The following CRYBG2 variants were observed in gnomAD, a reference collection of about 807,000 sequenced individuals.
CRYBG2 encodes the protein beta/gamma crystallin domain-containing protein 2.
A neutral mutation model predicts 153.4 loss-of-function variants in CRYBG2; 106 were observed. The observed-to-expected ratio is 0.69, with a 90% confidence interval of 0.59 to 0.81. The LOEUF is 0.81. CRYBG2 is among the 30% of genes least tolerant of loss of function. The probability of loss-of-function intolerance (pLI) is 0.00; values close to 1 mark genes in which losing one functional copy is unlikely to be tolerated. For synonymous variants in CRYBG2, 851 were observed against 877.8 expected (o/e 0.97, Z 0.54); for missense variants, 1,996 against 2,112.0 (o/e 0.95, Z 1.08).
rs913363554 is a variant in CRYBG2 at position 26,324,235 on chromosome 1, T to C, written c.4654A>G (p.Lys1552Glu). 4 of 1,612,882 alleles carry C rather than the reference T, an allele frequency of 2.5e-6. No homozygotes were observed. Among genetic ancestry groups the C allele is most frequent in the Non-Finnish European group, 3.4e-6 (4 of 1,179,984 alleles). The change falls in exon 18 of 20, where the codon AAA (lysine) becomes GAA (glutamate). Residue 1552 changes from lysine (K) to glutamate (E), a missense_variant. Coordinates refer to ENST00000308182, the MANE Select transcript of CRYBG2 (RefSeq NM_001039775.4). ...TCGGCGACCACCACACGGCCTGCTT[T>C]CATGTCCTCCACATGGTCCGGCACT... ...LAVPDHVEDM[K>E]AGRVVVADPQ...
chr1:26,349,212 G>T (rs2074260825), intron 1 of CRYBG2, among the ~76,000 whole-genome samples: 1 of 152,038 alleles, frequency 6.6e-6, no homozygotes. Context: ...GGAGCCCCTT[G>T]GCTCCGTTAG....
intron 1 of CRYBG2, among the ~76,000 whole-genome samples, chr1:26,349,566 A>G (rs954043164): frequency 6.6e-6 from 1 of 151,884 alleles, no homozygotes; most frequent in African/African-American, 2.4e-5. Flanking sequence ...CCCTTACTAA[A>G]TGTAGGATAA....
In CRYBG2 at chr1:26,345,345, G is replaced by A. The variant is rs761711386; in HGVS notation, c.1313C>T (p.Ala438Val). 3 of 1,613,512 alleles carry A rather than the reference G, an allele frequency of 1.9e-6. 1 individual carries two copies. In the South Asian group the frequency reaches 3.3e-5, roughly 18 times the overall value. Residue 438 changes from alanine (A) to valine (V), a missense_variant, in exon 2 of 20, where the codon GCT (alanine) becomes GTT (valine). Physicochemically the swap from Ala to Val is moderately conservative, Grantham distance 64. Transcript: ENST00000308182. ...KDVPSPGGLSAPSSPRNKFVQ... is the reference protein window; with the variant it reads ...KDVPSPGGLSVPSSPRNKFVQ... ...AAACTTATTCCTTGGGGACGATGGA[G>A]CAGAAAGACCTCCTGGGCTGGGGAC...
In CRYBG2 at chr1:26,343,918, C is replaced by A. The variant is rs936685332; in HGVS notation, c.2740G>T (p.Val914Leu). Reference sequence around the variant, plus strand: ...GTGGAGGCCTCCTTGGCGGTAGGCACCAGACTGCCGAACAGAAGGCTGCCT... The same window carrying A: ...GTGGAGGCCTCCTTGGCGGTAGGCAACAGACTGCCGAACAGAAGGCTGCCT... Reference protein sequence around the residue: ...LGGSLLFGSLVPTAKEASTPE... With the variant: ...LGGSLLFGSLLPTAKEASTPE... The change falls in exon 2 of 20, where the codon GTG becomes TTG. Residue 914 changes from valine to leucine, a missense_variant. Coordinates refer to ENST00000308182, the MANE Select transcript of CRYBG2 (RefSeq NM_001039775.4). This position sits in a 1 kb window ranked among gnomAD's most constrained non-coding sequence, Gnocchi z 4.1. 6 of 1,537,862 alleles carry A rather than the reference C, an allele frequency of 3.9e-6. No individual in the cohort carries two copies. In the Admixed American group the frequency reaches 7.9e-5, roughly 20 times the overall value.
chr1:26,349,208 C>T (rs2074260760), intron 1 of CRYBG2, among the ~76,000 whole-genome samples: 1 of 152,026 alleles, frequency 6.6e-6, no homozygotes, highest in South Asian at 2.1e-4. Flanking sequence ...AAATGGAGCC[C>T]CTTGGCTCCG....
chr1:26,345,058 C>A lies in CRYBG2; in HGVS notation c.1600G>T (p.Gly534Cys), dbSNP rs1199118094. The change falls in exon 2 of 20, where the codon GGC becomes TGC. Residue 534 changes from glycine (G) to cysteine (C), a missense_variant. By Grantham distance (159) the Gly-to-Cys change is radical (BLOSUM62 -3). Transcript: ENST00000308182. ...AATGAGGCATCAGGAGCACCGGGGC[C>A]CTTCACGACCTCTTTCCAGGTGGGG... ...LFPTWKEVVK[G>C]PGAPDASFPT... 3.5e-6 allele frequency: 1 copy of A among 289,166 alleles called. No individual in the cohort carries two copies. Among genetic ancestry groups the A allele is most frequent in the East Asian group, 4.4e-5 (1 of 22,684 alleles). 17.9% of individuals were successfully genotyped at this position (289,166 alleles called of 1,614,324 possible). A position where few individuals can be genotyped will look rare whatever the true frequency, so the allele number is the denominator to read the frequency against.
In CRYBG2 at chr1:26,336,147, C is replaced by T. The variant is rs1365290847; in HGVS notation, c.4132G>A (p.Ala1378Thr). Residue 1378 changes from alanine to threonine, a missense_variant, in exon 14 of 20, where the codon GCC (alanine) becomes ACC (threonine). Transcript: ENST00000308182. The surrounding 1 kb of genome is among the most constrained non-coding windows in gnomAD (Gnocchi z 4.9). ...GDHFSFEDDQ[A>T]ALPASFRPQS... ...GGTCGGAAGGAGGCGGGCAGAGCGG[C>T]CTGGTCATCTTCGAAAGAGAAGTGG... 6.5e-7 allele frequency: 1 copy of T among 1,539,852 alleles called. No homozygotes were observed. The highest frequency in any genetic ancestry group is 2.4e-5 in the East Asian group (1 of 41,188).
chr1:26,336,818 C>T lies in CRYBG2; in HGVS notation c.3911+23G>A. 1 of 1,572,472 alleles carries T rather than the reference C, an allele frequency of 6.4e-7. No homozygotes were observed. The highest frequency in any genetic ancestry group is 1.2e-5 in the South Asian group (1 of 86,238). ...CCCCGGCTCGCCCGGGCCCGCCCCG[C>T]TCCCGGAGCCCGGGTCACTTACACG... is the stretch of plus-strand genomic sequence containing the variant. On this transcript the variant is annotated intron_variant, in intron 11 of 19. Coordinates refer to ENST00000308182, the MANE Select transcript of CRYBG2 (RefSeq NM_001039775.4). The surrounding 1 kb of genome is among the most constrained non-coding windows in gnomAD (Gnocchi z 4.9).
At chr1:26,328,105 C>A (rs2073953666) in intron 17 of CRYBG2, 104 bp downstream of exon 17, 3 of 1,443,210 alleles carry the variant, frequency 2.1e-6, no homozygotes, top group Non-Finnish European at 1.8e-6. Context: ...GACAAAAGTA[C>A]ACAAATGCTG....
intron 6 of CRYBG2, 23 bp from the exon 7 acceptor site, chr1:26,338,500 T>TAGGTACAGTA: frequency 6.3e-7 from 1 of 1,585,216 alleles, no homozygotes; most frequent in Non-Finnish European, 8.6e-7. Flanking sequence ...GAGAGGCTGC[T>TAGGTACAGTA]GCACCCTAGC....
Position 26,354,084 on chromosome 1 carries a change from C to G in CRYBG2, c.-104G>C. ...ACCCAGGTGTCCAGCCAGCCTGGAG[C>G]TCCTGCTGCTGGGCCGTGCTCCCCT... On this transcript the variant is annotated 5_prime_UTR_variant, in exon 1 of 20. Coordinates refer to ENST00000308182, the MANE Select transcript of CRYBG2 (RefSeq NM_001039775.4). The G allele has an allele frequency of 2.5e-6, 1 of 399,628 alleles. No homozygotes were observed. Among genetic ancestry groups the G allele is most frequent in the Non-Finnish European group, 4.4e-6 (1 of 226,536 alleles). The allele number at this position is 399,628 out of a possible 1,614,324, so 24.8% of individuals were successfully genotyped here.
Position 26,343,042 on chromosome 1 carries a change from C to T in CRYBG2, c.3074+5G>A. Reference sequence around the variant, plus strand: ...CAAGTGCCTTGCTGGGCACTCCCCACTCACCAGCCTCGAACTACCCTTATG... The same window carrying T: ...CAAGTGCCTTGCTGGGCACTCCCCATTCACCAGCCTCGAACTACCCTTATG... On this transcript the variant is annotated splice_donor_5th_base_variant and intron_variant, in intron 4 of 19. Coordinates refer to ENST00000308182, the MANE Select transcript of CRYBG2 (RefSeq NM_001039775.4). The surrounding 1 kb of genome is among the most constrained non-coding windows in gnomAD (Gnocchi z 4.1). 5 of 1,545,560 alleles carry T rather than the reference C, an allele frequency of 3.2e-6. No homozygotes were observed. The highest frequency in any genetic ancestry group is 4.4e-6 in the Non-Finnish European group (5 of 1,143,276).
chr1:26,354,092 G>C lies in CRYBG2; in HGVS notation c.-112C>G. ...GTCCAGCCAGCCTGGAGCTCCTGCT[G>C]CTGGGCCGTGCTCCCCTGATGCGAT... is the stretch of plus-strand genomic sequence containing the variant. On this transcript the variant is annotated 5_prime_UTR_variant, in exon 1 of 20. Coordinates refer to ENST00000308182, the MANE Select transcript of CRYBG2 (RefSeq NM_001039775.4). 2.5e-6 allele frequency: 1 copy of C among 399,706 alleles called. No individual in the cohort carries two copies. Among genetic ancestry groups the C allele is most frequent in the Non-Finnish European group, 4.4e-6 (1 of 226,608 alleles). 24.8% of individuals were successfully genotyped at this position (399,706 alleles called of 1,614,324 possible). A position where few individuals can be genotyped will look rare whatever the true frequency, so the allele number is the denominator to read the frequency against.
chr1:26,352,628 G>C (rs1225919628), intron 1 of CRYBG2, among the ~76,000 whole-genome samples: 3 of 152,012 alleles, frequency 2.0e-5, no homozygotes, highest in Non-Finnish European at 4.4e-5. Context: ...GATGTTTCTG[G>C]AGGTCACCTG....
At chr1:26,353,034 C>G (rs185466775) in intron 1 of CRYBG2, among the ~76,000 whole-genome samples, 1 of 152,264 alleles carries the variant, frequency 6.6e-6, no homozygotes, top group East Asian at 1.9e-4. Flanking sequence ...ACTCAACCCT[C>G]CACTCTCTGC....
chr1:26,352,588 C>T (rs540531201), intron 1 of CRYBG2, among the ~76,000 whole-genome samples: 1 of 152,152 alleles, frequency 6.6e-6, no homozygotes, highest in Non-Finnish European at 1.5e-5. Context: ...GCCCAGAGAA[C>T]CTTCTCCCAG....
At chr1:26,333,047 G>C (rs1388083677) in intron 14 of CRYBG2, among the ~76,000 whole-genome samples, 3 of 21,558 alleles carry the variant, frequency 1.4e-4, no homozygotes, top group Non-Finnish European at 3.3e-4. Context: ...AAAAAAAAAA[G>C]ATTTCTAACA....
At chr1:26,348,934 C>T (rs2074256633) in intron 1 of CRYBG2, among the ~76,000 whole-genome samples, 3 of 151,640 alleles carry the variant, frequency 2.0e-5, no homozygotes, top group Admixed American at 2.0e-4. Flanking sequence ...TTTGGGAGGC[C>T]GAGGCAGGCC....
In CRYBG2 at chr1:26,336,814, C is replaced by T. The variant is rs2074064995; in HGVS notation, c.3911+27G>A. The T allele has an allele frequency of 1.3e-6, 2 of 1,570,150 alleles. No individual in the cohort carries two copies. The highest frequency in any genetic ancestry group is 1.4e-5 in the African/African-American group (1 of 73,664). ...CCGCCCCCGGCTCGCCCGGGCCCGC[C>T]CCGCTCCCGGAGCCCGGGTCACTTA... is the stretch of plus-strand genomic sequence containing the variant. On this transcript the variant is annotated intron_variant, in intron 11 of 19. Transcript: ENST00000308182. This position sits in a 1 kb window ranked among gnomAD's most constrained non-coding sequence, Gnocchi z 4.9.
Sources: gnomAD v4.1 joint callset for allele counts (sites outside exome capture counted in the v4.1 genomes callset) on GRCh38, gnomAD v4.1.1 for gene constraint, Gnocchi (gnomAD v3.1) non-coding constraint, MANE v1.5 for transcripts, NCBI Gene and HGNC (gene_info 2026-07-23, HGNC 2026-07-21) for gene names.